Variants in STPG2 observed in about 807,000 individuals in gnomAD.
STPG2 encodes the protein sperm-tail PG-rich repeat-containing protein 2.
Under a neutral mutation model 54.2 loss-of-function variants are expected in STPG2, and 56 were observed. That is an observed-to-expected ratio of 1.03 (90% CI 0.83 to 1.29). The LOEUF is 1.29. Among genes scored for constraint, STPG2 ranks in the 50% most tolerant of loss-of-function variants. The pLI, the probability that STPG2 is intolerant of heterozygous loss-of-function variation, is 0.00. For synonymous variants in STPG2, 200 were observed against 181.8 expected, an observed-to-expected ratio of 1.10 and a Z score of -0.81; for missense variants, 596 against 544.9, an observed-to-expected ratio of 1.09 and a Z score of -0.93.
chr4:98,113,452 A>C (rs75212420), intron 3 of STPG2, among the ~76,000 whole-genome samples: 4 of 152,188 alleles, frequency 2.6e-5, no homozygotes, highest in African/African-American at 9.6e-5. Flanking sequence ...GCCTGGGAAA[A>C]TGTGTTATAT....
chr4:97,686,393 C>A (rs866526689), intron 10 of STPG2, among the ~76,000 whole-genome samples: 1 of 152,104 alleles, frequency 6.6e-6, no homozygotes, highest in African/African-American at 2.4e-5. Flanking sequence ...GGCTTCTCAG[C>A]CTAATCTTGG....
intron 5 of STPG2, among the ~76,000 whole-genome samples, chr4:98,074,005 G>A (rs1180764919): frequency 6.6e-6 from 1 of 151,980 alleles, no homozygotes; most frequent in African/African-American, 2.4e-5. Context: ...GATAATTTTT[G>A]TTTTTATTTA....
chr4:97,986,528 T>C (rs1734837184), intron 5 of STPG2, among the ~76,000 whole-genome samples: 1 of 152,182 alleles, frequency 6.6e-6, no homozygotes, highest in African/African-American at 2.4e-5. Flanking sequence ...CAGAAAGAGA[T>C]GCAAGCCTAT....
intron 4 of STPG2, among the ~76,000 whole-genome samples, chr4:97,533,849 T>C (rs1482372143): frequency 6.6e-6 from 1 of 152,166 alleles, no homozygotes; most frequent in African/African-American, 2.4e-5. Flanking sequence ...TGAAAATCTG[T>C]ATACAAGTCT....
intron 10 of STPG2, among the ~76,000 whole-genome samples, chr4:97,667,779 T>A (rs1328407025): frequency 1.3e-5 from 2 of 152,184 alleles, no homozygotes; most frequent in Non-Finnish European, 2.9e-5. Flanking sequence ...GGTGTCTACA[T>A]TTTGCCATTC....
intron 4 of STPG2, among the ~76,000 whole-genome samples, chr4:97,538,660 G>A (rs1731603951): frequency 6.6e-6 from 1 of 152,090 alleles, no homozygotes; most frequent in African/African-American, 2.4e-5. Context: ...TAGCAAGGCA[G>A]GCCAAAATTC....
chr4:97,752,807 C>G (rs570813498), intron 9 of STPG2, among the ~76,000 whole-genome samples: 4 of 151,788 alleles, frequency 2.6e-5, no homozygotes, highest in Non-Finnish European at 5.9e-5. Context: ...CCCTTCAGGG[C>G]TCTATTCAGA....
intron 10 of STPG2, among the ~76,000 whole-genome samples, chr4:97,699,693 G>C (rs1278663086): frequency 6.6e-5 from 10 of 152,156 alleles, no homozygotes. Flanking sequence ...TGCTGCAGCT[G>C]TCCACTTTTG....
chr4:97,922,418 G>A (rs992219831), intron 8 of STPG2, among the ~76,000 whole-genome samples: 1 of 152,014 alleles, frequency 6.6e-6, no homozygotes, highest in African/African-American at 2.4e-5. Flanking sequence ...ACTAAATTTG[G>A]CCAGAGATGA....
intron 9 of STPG2, among the ~76,000 whole-genome samples, chr4:97,747,937 A>G (rs1725469413): frequency 6.6e-6 from 1 of 151,438 alleles, no homozygotes; most frequent in Non-Finnish European, 1.5e-5. Context: ...AGTCATTTTT[A>G]AAACCATGGC....
At chr4:98,075,913 T>C (rs956110027) in intron 5 of STPG2, among the ~76,000 whole-genome samples, 2 of 152,168 alleles carry the variant, frequency 1.3e-5, no homozygotes, top group African/African-American at 4.8e-5. Context: ...TTTAAAATCT[T>C]CGAGAAGAAA....
intron 9 of STPG2, among the ~76,000 whole-genome samples, chr4:97,728,315 A>G (rs1724683780): frequency 6.6e-6 from 1 of 152,056 alleles, no homozygotes; most frequent in Non-Finnish European, 1.5e-5. Flanking sequence ...AAGAAATGAG[A>G]TAATTTTGAT....
chr4:97,660,099 T>C (rs1292610813), intron 10 of STPG2, among the ~76,000 whole-genome samples: 8 of 150,072 alleles, frequency 5.3e-5, no homozygotes, highest in African/African-American at 2.0e-4. Flanking sequence ...GCCTCCCGGG[T>C]TCACACCATT....
chr4:97,441,651 T>C (rs553312320), intron 4 of STPG2: 1 of 152,104 alleles, frequency 6.6e-6, no homozygotes, highest in Admixed American at 6.5e-5. Context: ...AAAAAAGATA[T>C]AAAATTTCAC....
At chr4:97,905,740 A>G (rs891331884) in intron 8 of STPG2, among the ~76,000 whole-genome samples, 4 of 152,212 alleles carry the variant, frequency 2.6e-5, no homozygotes, top group African/African-American at 7.2e-5. Flanking sequence ...ACATAGGCTC[A>G]AAATAAAAGG....
chr4:97,857,364 C>T (rs1381908461), intron 8 of STPG2, among the ~76,000 whole-genome samples: 1 of 151,922 alleles, frequency 6.6e-6, no homozygotes, highest in African/African-American at 2.4e-5. Flanking sequence ...TCAGGGATTC[C>T]ATTTCTTCCT....
intron 8 of STPG2, among the ~76,000 whole-genome samples, chr4:97,921,869 C>A (rs948034365): frequency 4.6e-4 from 70 of 152,020 alleles, no homozygotes; most frequent in African/African-American, 1.6e-3. Context: ...CTGTCATTTG[C>A]AACAATATGA....
chr4:97,526,410 T>A (rs1731281057), intron 4 of STPG2, among the ~76,000 whole-genome samples: 1 of 152,240 alleles, frequency 6.6e-6, no homozygotes, highest in South Asian at 2.1e-4. Flanking sequence ...CTTCAGTATG[T>A]TTCTGTCAGG....
intron 9 of STPG2, among the ~76,000 whole-genome samples, chr4:97,825,112 TG>T (rs1324393039): frequency 6.6e-6 from 1 of 152,030 alleles, no homozygotes; most frequent in Non-Finnish European, 1.5e-5. Flanking sequence ...TGAGGCTCCT[TG>T]GTAAAAAAAA....
Sources: allele counts gnomAD v4.1 joint callset (sites outside exome capture counted in the v4.1 genomes callset), GRCh38; gene constraint gnomAD v4.1.1; transcripts MANE v1.5; gene names NCBI Gene and HGNC (gene_info 2026-07-23, HGNC 2026-07-21).